Variants in CARD14 observed in about 807,000 individuals in gnomAD.
The protein encoded by CARD14 is caspase recruitment domain-containing protein 14.
A neutral mutation model predicts 111.5 loss-of-function variants in CARD14; 107 were observed. The ratio of observed to expected loss-of-function variants is 0.96; its 90% CI spans 0.82 to 1.13. CARD14 has a LOEUF of 1.13. CARD14 is among the 50% of genes most tolerant of loss of function. The pLI, the probability that CARD14 is intolerant of heterozygous loss-of-function variation, is 0.00. For synonymous variants in CARD14, 617 were observed against 579.6 expected (o/e 1.06, Z -0.93); for missense variants, 1,322 against 1,362.3 (o/e 0.97, Z 0.47).
chr17:80,206,643 T>C, intron 22 of CARD14: 1 of 161,458 alleles, frequency 6.2e-6, no homozygotes, highest in African/African-American at 2.4e-5. Context: ...GGTGGGCGCC[T>C]GTAGTCCCAG....
At chr17:80,190,631 A>AGG in intron 9 of CARD14, 143 bp from the exon 10 acceptor site, 1 of 774,554 alleles carries the variant, frequency 1.3e-6, no homozygotes, top group South Asian at 2.7e-5. Flanking sequence ...AAAAAAAAAG[A>AGG]GAGAGAGAGA....
At chr17:80,206,441 C>A (rs1191822977) in intron 22 of CARD14, among the ~76,000 whole-genome samples, 1 of 152,156 alleles carries the variant, frequency 6.6e-6, no homozygotes, top group Admixed American at 6.5e-5. Context: ...CAGTGAGACA[C>A]CCGTCTCTAC....
In CARD14 at chr17:80,208,612, C is replaced by T. The variant is rs986858933; in HGVS notation, c.*267C>T. 13 of 424,284 alleles carry T rather than the reference C, an allele frequency of 3.1e-5. No homozygotes were observed. The highest frequency in any genetic ancestry group is 2.6e-4 in the African/African-American group (13 of 49,230). The allele number at this position is 424,284 out of a possible 1,614,324, so 26.3% of individuals were successfully genotyped here. On this transcript the variant is annotated 3_prime_UTR_variant, in exon 24 of 24. Transcript: ENST00000648509. ...TGAACTGGAAACCCTGAGAATGTTT[C>T]TGCAGTGGGACAGGAGGGACGTCTT...
At chr17:80,183,466 C>T (rs1244612013) in intron 6 of CARD14, among the ~76,000 whole-genome samples, 5 of 152,186 alleles carry the variant, frequency 3.3e-5, no homozygotes, top group African/African-American at 1.2e-4. Context: ...AATGAGTTAG[C>T]ACTGAGTGCA....
At chr17:80,183,878 C>T in intron 6 of CARD14, 35 bp from the exon 7 acceptor site, 2 of 1,450,464 alleles carry the variant, frequency 1.4e-6, no homozygotes, top group Non-Finnish European at 1.8e-6. Context: ...TACCTCCCTA[C>T]CTGCTCACTT....
At position 80,206,788 on chromosome 17, in the gene CARD14, A is replaced by G. The variant is rs4889837; in HGVS notation, c.2692-182A>G. On this transcript the variant is annotated intron_variant, in intron 22 of 23. Coordinates refer to ENST00000648509, the MANE Select transcript of CARD14 (RefSeq NM_001366385.1). ...TCTCAAAAAAATAAAAAATAAAAAT[A>G]AAAAAAAGAGAGAAGAAAGTGGCAA... is the stretch of plus-strand genomic sequence containing the variant. The G allele has an allele frequency of 0.54, 223,994 of 412,262 alleles. 63,297 individuals are homozygous for G. Among genetic ancestry groups the G allele is most frequent in the East Asian group, 0.66 (18,020 of 27,190 alleles). The allele number at this position is 412,262 out of a possible 1,614,324, so 25.5% of individuals were successfully genotyped here. A position where few individuals can be genotyped will look rare whatever the true frequency, so the allele number is the denominator to read the frequency against.
At chr17:80,191,992 C>T (rs1032813057) in intron 11 of CARD14, among the ~76,000 whole-genome samples, 5 of 152,212 alleles carry the variant, frequency 3.3e-5, no homozygotes, top group African/African-American at 1.2e-4. Flanking sequence ...AAAGGAGCTC[C>T]TCCCTCCGCA....
At chr17:80,199,561 CAAAA>C (rs34737700) in intron 16 of CARD14, among the ~76,000 whole-genome samples, 4 of 68,788 alleles carry the variant, frequency 5.8e-5, no homozygotes, top group Admixed American at 2.1e-4. Flanking sequence ...AGCCTTGTCT[CAAAA>C]AAAAAAAAAA....
chr17:80,205,004 T>C, intron 20 of CARD14, 31 bp from the exon 21 acceptor site: 1 of 1,519,480 alleles, frequency 6.6e-7, no homozygotes, highest in South Asian at 1.3e-5. Context: ...TGCCGCAGCC[T>C]CACCCACCCT....
chr17:80,198,734 T>C lies in CARD14; in HGVS notation c.1851+143T>C. ...GCCTCTGCTCTTTCCTGGGCTGACG[T>C]AAAGCGTTCTGCTCATTTATAGATG... is the stretch of plus-strand genomic sequence containing the variant. On this transcript the variant is annotated intron_variant, in intron 16 of 23. Coordinates refer to ENST00000648509, the MANE Select transcript of CARD14 (RefSeq NM_001366385.1). The surrounding 1 kb of genome is among the most constrained non-coding windows in gnomAD (Gnocchi z 7.5). 1 of 1,552,344 alleles carries C rather than the reference T, an allele frequency of 6.4e-7. No individual in the cohort carries two copies. Among genetic ancestry groups the C allele is most frequent in the Non-Finnish European group, 8.7e-7 (1 of 1,151,544 alleles).
At chr17:80,202,064 G>T in intron 17 of CARD14, 116 bp from the exon 18 acceptor site, 1 of 1,227,528 alleles carries the variant, frequency 8.1e-7, no homozygotes, top group South Asian at 1.4e-5. Context: ...TCCAGTGCCA[G>T]AGCAGCTTCT....
At chr17:80,187,655 CA>C (rs2040387059) in intron 7 of CARD14, 1 of 614,532 alleles carries the variant, frequency 1.6e-6, no homozygotes, top group Middle Eastern at 8.4e-4. Flanking sequence ...GGCCACAGCC[CA>C]GGGGTGAGCA....
intron 12 of CARD14, among the ~76,000 whole-genome samples, chr17:80,193,070 A>T (rs2040579398): frequency 6.6e-6 from 1 of 152,168 alleles, no homozygotes; most frequent in Non-Finnish European, 1.5e-5. Flanking sequence ...AGTTTTAAAC[A>T]TCAGAGGTTG....
chr17:80,207,438 C>G (rs2041391719), intron 23 of CARD14, among the ~76,000 whole-genome samples: 1 of 152,124 alleles, frequency 6.6e-6, no homozygotes, highest in Non-Finnish European at 1.5e-5. Flanking sequence ...GTAATCCCAG[C>G]TACTCGGGAG....
chr17:80,185,468 C>G (rs1196744817), intron 7 of CARD14, among the ~76,000 whole-genome samples: 1 of 151,938 alleles, frequency 6.6e-6, no homozygotes, highest in African/African-American at 2.4e-5. Flanking sequence ...CAAATAATAC[C>G]CACCTACCCT....
Position 80,188,278 on chromosome 17 carries a change from TA to T in CARD14, c.676-95del. 7.7e-7 allele frequency: 1 copy of T among 1,300,324 alleles called. No individual in the cohort carries two copies. Among genetic ancestry groups the T allele is most frequent in the Non-Finnish European group, 1.0e-6 (1 of 973,108 alleles). 80.5% of individuals were successfully genotyped at this position (1,300,324 alleles called of 1,614,324 possible). A position where few individuals can be genotyped will look rare whatever the true frequency, so the allele number is the denominator to read the frequency against. ...TCGAGGCAGGAAGCCCCCTGAGTGC[TA>T]AAAGCATCATTAGGAGGAAGGGTGA... On this transcript the variant is annotated intron_variant, in intron 7 of 23. Coordinates refer to ENST00000648509, the MANE Select transcript of CARD14 (RefSeq NM_001366385.1). This position sits in a 1 kb window ranked among gnomAD's most constrained non-coding sequence, Gnocchi z 4.5.
In CARD14 at chr17:80,191,311, C is replaced by G. The variant is rs749499170; in HGVS notation, c.1090-12C>G. On this transcript the variant is annotated splice_polypyrimidine_tract_variant and intron_variant, in intron 10 of 23. Transcript: ENST00000648509. ...GATGGCGCGGCCTCCTTACTCCCGT[C>G]GTGGCCCACAGGCGTACTCCGCGAG... 5 of 1,603,490 alleles carry G rather than the reference C, an allele frequency of 3.1e-6. 1 individual carries two copies. Among genetic ancestry groups the G allele is most frequent in the Non-Finnish European group, 4.3e-6 (5 of 1,171,500 alleles).
At chr17:80,181,278 C>T in intron 4 of CARD14, 141 bp from the exon 5 acceptor site, 2 of 658,376 alleles carry the variant, frequency 3.0e-6, no homozygotes, top group South Asian at 1.9e-5. Context: ...CTGCCGTAAA[C>T]ATCTCAAGAC....
rs1205603545 is a variant in CARD14 at position 80,188,344 on chromosome 17, C to T, written c.676-33C>T. ...TCCTGATCAGGGGAGAAGCTGTTTC[C>T]ATCGCCCTTCCTGTCGCCTCCCCAC... On this transcript the variant is annotated intron_variant, in intron 7 of 23. Coordinates refer to ENST00000648509, the MANE Select transcript of CARD14 (RefSeq NM_001366385.1). This position sits in a 1 kb window ranked among gnomAD's most constrained non-coding sequence, Gnocchi z 4.5. 6.3e-7 allele frequency: 1 copy of T among 1,596,552 alleles called. No individual in the cohort carries two copies. Among genetic ancestry groups the T allele is most frequent in the Non-Finnish European group, 8.5e-7 (1 of 1,171,788 alleles).
Sources: allele counts gnomAD v4.1 joint callset (sites outside exome capture counted in the v4.1 genomes callset), GRCh38; gene constraint gnomAD v4.1.1; non-coding constraint Gnocchi (gnomAD v3.1); transcripts MANE v1.5; gene names NCBI Gene and HGNC (gene_info 2026-07-23, HGNC 2026-07-21).